FYN: variants seen among roughly 807,000 people sequenced by gnomAD.
FYN encodes the protein tyrosine-protein kinase Fyn.
Under a neutral mutation model 70.2 loss-of-function variants are expected in FYN, and 10 were observed. The ratio of observed to expected loss-of-function variants is 0.14; its 90% confidence interval spans 0.09 to 0.24. The LOEUF (loss-of-function observed/expected upper bound fraction) is 0.24, where lower values mean the gene tolerates loss of function less well. Ranked by LOEUF, FYN falls within the 10% of genes least tolerant of loss-of-function variation. The probability of loss-of-function intolerance (pLI) is 1.00; values close to 1 mark genes in which losing one functional copy is unlikely to be tolerated. For missense variants in FYN, 319 were observed against 673.1 expected (o/e 0.47, Z 5.82); for synonymous variants, 236 against 248.6 (o/e 0.95, Z 0.48).
rs578192763 is a variant in FYN at position 111,831,148 on chromosome 6, G to A, written c.-82+15441C>T. The stretch of plus-strand genomic sequence containing the variant: ...CTGATCCTCAAAAGGCCCCCAAATA[G>A]TGATTTTGTTGGCATTAAAATCCTC... On this transcript the variant is annotated intron_variant, in intron 2 of 13. Transcript: ENST00000354650. Among the ~76,000 whole-genome samples, 5 of 152,212 alleles carry A rather than the reference G, an allele frequency of 3.3e-5. No individual in the cohort carries two copies. The South Asian group carries it at 1.0e-3, about 32-fold the overall frequency.
intron 2 of FYN, among the ~76,000 whole-genome samples, chr6:111,810,742 C>T (rs1177641031): frequency 6.6e-6 from 1 of 152,202 alleles, no homozygotes; most frequent in Admixed American, 6.5e-5. Flanking sequence ...CCCCGAAAAC[C>T]CACCCTGTGG....
In FYN at chr6:111,700,220, C is replaced by T; in HGVS notation, c.746G>A (p.Gly249Glu). Residue 249 changes from glycine (G) to glutamate (E), a missense_variant, in exon 9 of 14, where the codon GGG becomes GAG. Transcript: ENST00000354650. ...AGACAGATCGGTAAGCCTTGGCATCCCTTTGTGACAGGGAACTACTAGGCG... is the reference window on the plus strand; with the variant it reads ...AGACAGATCGGTAAGCCTTGGCATCTCTTTGTGACAGGGAACTACTAGGCG... Reference protein sequence around the residue: ...CCRLVVPCHKGMPRLTDLSVK... With the variant: ...CCRLVVPCHKEMPRLTDLSVK... The T allele has an allele frequency of 4.3e-6, 7 of 1,614,106 alleles. No individual in the cohort carries two copies. Among genetic ancestry groups the T allele is most frequent in the Non-Finnish European group, 5.9e-6 (7 of 1,180,016 alleles).
At chr6:111,731,613 C>T (rs930813555) in intron 3 of FYN, among the ~76,000 whole-genome samples, 1 of 152,194 alleles carries the variant, frequency 6.6e-6, no homozygotes, top group Admixed American at 6.5e-5. Context: ...CATCCCCTGC[C>T]GTGGTGTAGA....
intron 4 of FYN, among the ~76,000 whole-genome samples, chr6:111,716,783 ATTTT>A (rs541355121): frequency 7.1e-6 from 1 of 141,154 alleles, no homozygotes; most frequent in Non-Finnish European, 1.6e-5. Context: ...AAGAGAGTTA[ATTTT>A]TTTTTTTTTT....
chr6:111,715,207 T>C (rs1171211686), intron 4 of FYN, among the ~76,000 whole-genome samples: 1 of 152,092 alleles, frequency 6.6e-6, no homozygotes, highest in Admixed American at 6.5e-5. Context: ...TCCAGTGTCA[T>C]TTGGCCTAGG....
chr6:111,853,354 CT>C (rs1337722278), intron 1 of FYN, among the ~76,000 whole-genome samples: 1 of 134,254 alleles, frequency 7.4e-6, no homozygotes, highest in Non-Finnish European at 1.5e-5. Flanking sequence ...TACCAAGACA[CT>C]CCTTTTTTTT....
intron 2 of FYN, among the ~76,000 whole-genome samples, chr6:111,834,111 AG>A (rs1291103682): frequency 6.6e-6 from 1 of 152,210 alleles, no homozygotes; most frequent in African/African-American, 2.4e-5. Flanking sequence ...TATAGTCCCA[AG>A]GTAAATAAAA....
intron 12 of FYN, among the ~76,000 whole-genome samples, chr6:111,681,800 G>T (rs925303234): frequency 2.0e-5 from 3 of 152,118 alleles, no homozygotes; most frequent in Non-Finnish European, 4.4e-5. Flanking sequence ...GGCACATGAG[G>T]TGGATGCCAG....
chr6:111,722,054 C>T (rs1248597688), intron 3 of FYN, among the ~76,000 whole-genome samples: 1 of 152,116 alleles, frequency 6.6e-6, no homozygotes, highest in Non-Finnish European at 1.5e-5. Flanking sequence ...GCAGGAGGTG[C>T]CATATCAGAA....
intron 2 of FYN, chr6:111,780,935 G>A (rs937491211): frequency 6.6e-6 from 1 of 152,152 alleles, no homozygotes; most frequent in Non-Finnish European, 1.5e-5. Context: ...GAGAACAATG[G>A]AAAAATATCT....
intron 2 of FYN, among the ~76,000 whole-genome samples, chr6:111,837,583 G>A (rs896300279): frequency 6.6e-6 from 1 of 152,126 alleles, no homozygotes; most frequent in African/African-American, 2.4e-5. Flanking sequence ...AAAGAAAGGG[G>A]GTACAACAAG....
chr6:111,724,124 T>C (rs1001537388), intron 3 of FYN, among the ~76,000 whole-genome samples: 2 of 152,174 alleles, frequency 1.3e-5, no homozygotes, highest in African/African-American at 4.8e-5. Flanking sequence ...ATTTCCCTAG[T>C]CCTGTGGTTC....
At chr6:111,742,852 T>C (rs1304113365) in intron 3 of FYN, among the ~76,000 whole-genome samples, 4 of 152,150 alleles carry the variant, frequency 2.6e-5, no homozygotes, top group Non-Finnish European at 5.9e-5. Context: ...TCCCCATGCC[T>C]ACAAATACCC....
intron 2 of FYN, among the ~76,000 whole-genome samples, chr6:111,828,335 ATGT>A (rs1772904169): frequency 6.6e-6 from 1 of 152,240 alleles, no homozygotes; most frequent in African/African-American, 2.4e-5. Flanking sequence ...GTATAAAAAT[ATGT>A]TAAACAACAG....
At chr6:111,704,253 T>C in intron 6 of FYN, 151 bp from the exon 7 acceptor site, 1 of 626,662 alleles carries the variant, frequency 1.6e-6, no homozygotes. Flanking sequence ...CTTAATTCAG[T>C]TCCTTTTCAA....
intron 9 of FYN, chr6:111,699,756 C>A: frequency 7.8e-7 from 1 of 1,287,432 alleles, no homozygotes; most frequent in Non-Finnish European, 1.1e-6. Context: ...GGTGACTTGC[C>A]CGTTAGGATG....
chr6:111,691,505 C>A (rs1468908654), intron 12 of FYN, among the ~76,000 whole-genome samples: 1 of 152,188 alleles, frequency 6.6e-6, no homozygotes, highest in African/African-American at 2.4e-5. Flanking sequence ...GACCAGCTGT[C>A]TGGAGGAGCT....
intron 2 of FYN, among the ~76,000 whole-genome samples, chr6:111,812,446 A>G (rs1772355724): frequency 6.6e-6 from 1 of 152,130 alleles, no homozygotes; most frequent in Admixed American, 6.5e-5. Context: ...TCTTGTCTGT[A>G]CCATCTGCTT....
chr6:111,760,319 C>A (rs906603174), intron 3 of FYN, among the ~76,000 whole-genome samples: 1 of 152,070 alleles, frequency 6.6e-6, no homozygotes, highest in Non-Finnish European at 1.5e-5. Context: ...CCTCTAATTG[C>A]CTCCACACTC....
Sources: gnomAD v4.1 joint callset for allele counts (sites outside exome capture counted in the v4.1 genomes callset) on GRCh38, gnomAD v4.1.1 for gene constraint, MANE v1.5 for transcripts, NCBI Gene and HGNC (gene_info 2026-07-23, HGNC 2026-07-21) for gene names.